Variants in MACROD2 observed in about 807,000 individuals in gnomAD.
The protein encoded by MACROD2 is ADP-ribose glycohydrolase MACROD2.
Under a neutral mutation model 70.4 loss-of-function variants are expected in MACROD2, and 36 were observed. That is an observed-to-expected ratio of 0.51 (90% CI 0.39 to 0.68). The LOEUF (loss-of-function observed/expected upper bound fraction) is 0.68. Ranked by LOEUF, MACROD2 falls within the 30% of genes least tolerant of loss-of-function variation. MACROD2 has a pLI of 0.00. For missense variants in MACROD2, 496 were observed against 538.4 expected (o/e 0.92, Z 0.78); for synonymous variants, 172 against 178.8 (o/e 0.96, Z 0.30).
intron 5 of MACROD2, among the ~76,000 whole-genome samples, chr20:14,771,243 C>T (rs1450149260): frequency 1.3e-5 from 2 of 152,048 alleles, no homozygotes; most frequent in African/African-American, 2.4e-5. Flanking sequence ...CTACTAGCTT[C>T]CTGGGTCTCT....
At chr20:14,026,269 A>G (rs2053163793) in intron 2 of MACROD2, among the ~76,000 whole-genome samples, 1 of 152,212 alleles carries the variant, frequency 6.6e-6, no homozygotes, top group Admixed American at 6.5e-5. Context: ...TGAATACAGC[A>G]CACTGATGAG....
intron 7 of MACROD2, among the ~76,000 whole-genome samples, chr20:15,441,984 T>C (rs6079823): frequency 0.17 from 25,624 of 152,178 alleles, 2,628 homozygotes; most frequent in Non-Finnish European, 0.24. Context: ...TCTAAAGAAC[T>C]GTTTTGGAGT....
At chr20:15,905,316 A>T (rs6110823) in intron 10 of MACROD2, among the ~76,000 whole-genome samples, 5,192 of 152,324 alleles carry the variant, frequency 0.034, 173 homozygotes, top group African/African-American at 0.083. Flanking sequence ...GTTCACTATT[A>T]AAAAACTAAA....
intron 3 of MACROD2, among the ~76,000 whole-genome samples, chr20:14,462,304 A>C (rs1248017345): frequency 6.6e-6 from 1 of 151,928 alleles, no homozygotes; most frequent in Non-Finnish European, 1.5e-5. Flanking sequence ...GCATTTTTTC[A>C]TGTGTTTTTT....
chr20:14,097,663 A>C (rs1195834763), intron 3 of MACROD2, among the ~76,000 whole-genome samples: 1 of 152,152 alleles, frequency 6.6e-6, no homozygotes. Context: ...CATCAGCAAA[A>C]TGGAGATAAT....
At chr20:14,988,896 G>A (rs1379351750) in intron 5 of MACROD2, among the ~76,000 whole-genome samples, 2 of 152,056 alleles carry the variant, frequency 1.3e-5, no homozygotes, top group South Asian at 2.1e-4. Context: ...TAAAATTATT[G>A]TTTAATATTT....
intron 8 of MACROD2, among the ~76,000 whole-genome samples, chr20:15,515,881 A>G (rs1265327826): frequency 6.6e-6 from 1 of 152,210 alleles, no homozygotes; most frequent in East Asian, 1.9e-4. Flanking sequence ...TATCTTGGAC[A>G]GATGGCAGTG....
intron 12 of MACROD2, among the ~76,000 whole-genome samples, chr20:15,955,252 A>G (rs2065960356): frequency 6.6e-6 from 1 of 152,158 alleles, no homozygotes; most frequent in South Asian, 2.1e-4. Flanking sequence ...TGGATCCATG[A>G]CCCACTCATT....
intron 4 of MACROD2, among the ~76,000 whole-genome samples, chr20:14,521,962 C>G (rs2085172992): frequency 6.6e-6 from 1 of 152,114 alleles, no homozygotes; most frequent in African/African-American, 2.4e-5. Context: ...CAGCAGCACT[C>G]CCCACCAATG....
At chr20:14,955,204 T>C (rs1225012653) in intron 5 of MACROD2, among the ~76,000 whole-genome samples, 1 of 134,588 alleles carries the variant, frequency 7.4e-6, no homozygotes, top group Non-Finnish European at 1.5e-5. Flanking sequence ...AATATATCAT[T>C]TACATAATAT....
rs898299851 is a variant in MACROD2, at chr20:15,365,830, T to C, written c.541-65575T>C. Among the ~76,000 whole-genome samples, 4 of 152,144 alleles carry C rather than the reference T, an allele frequency of 2.6e-5. No homozygotes were observed. In the East Asian group the frequency reaches 7.7e-4, roughly 29 times the overall value. ...ATTAAAAATTTAACCTGATTGCAGT[T>C]AAAGGAAGACAAAATGGTCTAAAAT... On this transcript the variant is annotated intron_variant, in intron 6 of 17. Transcript: ENST00000684519.
At chr20:14,206,696 A>G (rs763128491) in intron 3 of MACROD2, among the ~76,000 whole-genome samples, 2 of 149,446 alleles carry the variant, frequency 1.3e-5, no homozygotes, top group Admixed American at 6.7e-5. Flanking sequence ...TTGAAGATGT[A>G]GTCGTCATGG....
At chr20:14,529,123 C>T (rs1039952441) in intron 4 of MACROD2, among the ~76,000 whole-genome samples, 17 of 152,066 alleles carry the variant, frequency 1.1e-4, no homozygotes, top group African/African-American at 4.1e-4. Context: ...GGTAGGTTGC[C>T]TTTACCTAGA....
At chr20:15,345,408 T>C (rs2078155269) in intron 6 of MACROD2, among the ~76,000 whole-genome samples, 1 of 152,098 alleles carries the variant, frequency 6.6e-6, no homozygotes. Flanking sequence ...GCTGTAAGAG[T>C]ATTAGAATAT....
At chr20:15,209,533 C>T (rs1041029464) in intron 5 of MACROD2, among the ~76,000 whole-genome samples, 1 of 152,146 alleles carries the variant, frequency 6.6e-6, no homozygotes, top group Non-Finnish European at 1.5e-5. Context: ...TCTCTTTGTA[C>T]AATCCTAGTG....
intron 7 of MACROD2, among the ~76,000 whole-genome samples, chr20:15,438,556 CA>C (rs2046457004): frequency 6.6e-6 from 1 of 152,076 alleles, no homozygotes; most frequent in South Asian, 2.1e-4. Context: ...ATTTGTTTAA[CA>C]GGCTGAAACT....
At chr20:15,193,116 G>GTAGT (rs1323900281) in intron 5 of MACROD2, among the ~76,000 whole-genome samples, 1 of 152,142 alleles carries the variant, frequency 6.6e-6, no homozygotes, top group Non-Finnish European at 1.5e-5. Flanking sequence ...GCATGTTTGT[G>GTAGT]TAGTTACCTC....
chr20:15,963,236 G>C (rs199788477), intron 12 of MACROD2, among the ~76,000 whole-genome samples: 5 of 119,022 alleles, frequency 4.2e-5, no homozygotes, highest in African/African-American at 1.3e-4. Flanking sequence ...ACGCATTACA[G>C]AGAAAGACTA....
intron 4 of MACROD2, among the ~76,000 whole-genome samples, chr20:14,532,714 G>T (rs981016550): frequency 6.6e-6 from 1 of 152,186 alleles, no homozygotes; most frequent in South Asian, 2.1e-4. Context: ...TCAAATATAC[G>T]CTACTGGCAG....
Sources: allele counts gnomAD v4.1 joint callset (sites outside exome capture counted in the v4.1 genomes callset), GRCh38; gene constraint gnomAD v4.1.1; transcripts MANE v1.5; gene names NCBI Gene and HGNC (gene_info 2026-07-23, HGNC 2026-07-21).